MGAT5: variants seen among roughly 807,000 people sequenced by gnomAD.
The protein encoded by MGAT5 is alpha-1,6-mannosylglycoprotein 6-beta-N-acetylglucosaminyltransferase.
Under a neutral mutation model 94.3 loss-of-function variants are expected in MGAT5, and 30 were observed. That is an observed-to-expected ratio of 0.32 (90% confidence interval 0.24 to 0.43). MGAT5 has a LOEUF of 0.43. Among genes scored for constraint, MGAT5 ranks in the 20% least tolerant of loss-of-function variants. The probability of loss-of-function intolerance (pLI) is 1.00; values close to 1 mark genes in which losing one functional copy is unlikely to be tolerated. For synonymous variants in MGAT5, 310 were observed against 322.9 expected (o/e 0.96, Z 0.43); for missense variants, 691 against 905.5 (o/e 0.76, Z 3.04).
chr2:134,305,446 T>C (rs1021630270), intron 2 of MGAT5, among the ~76,000 whole-genome samples: 2 of 152,180 alleles, frequency 1.3e-5, no homozygotes, highest in African/African-American at 4.8e-5. Flanking sequence ...ATTTATACTA[T>C]CTTAAAACAG....
At chr2:134,421,103 A>AT (rs1340825859) in intron 12 of MGAT5, among the ~76,000 whole-genome samples, 2 of 152,198 alleles carry the variant, frequency 1.3e-5, no homozygotes, top group East Asian at 1.9e-4. Flanking sequence ...AGCTCCAAAT[A>AT]TAGACTAATG....
intron 2 of MGAT5, among the ~76,000 whole-genome samples, chr2:134,287,672 G>C (rs1417108350): frequency 6.6e-6 from 1 of 152,174 alleles, no homozygotes; most frequent in African/African-American, 2.4e-5. Context: ...TTCATAGCTA[G>C]AGACCAAGAC....
intron 4 of MGAT5, among the ~76,000 whole-genome samples, chr2:134,325,953 G>C (rs1687614294): frequency 6.6e-6 from 1 of 151,868 alleles, no homozygotes; most frequent in Non-Finnish European, 1.5e-5. Context: ...GATCAGAATA[G>C]TGCCTAATAT....
intron 1 of MGAT5, among the ~76,000 whole-genome samples, chr2:134,261,427 T>A (rs7593036): frequency 1.3e-4 from 20 of 152,152 alleles, no homozygotes; most frequent in African/African-American, 4.3e-4. Context: ...TAAGGCATGG[T>A]GGCTCTCTTC....
intron 12 of MGAT5, among the ~76,000 whole-genome samples, chr2:134,418,279 TAAG>T (rs148684731): frequency 6.6e-6 from 1 of 152,358 alleles, no homozygotes; most frequent in East Asian, 1.9e-4. Flanking sequence ...CTTCATGCTG[TAAG>T]AAGAGAATAG....
chr2:134,363,642 A>G (rs187353391), intron 10 of MGAT5, among the ~76,000 whole-genome samples: 1 of 152,364 alleles, frequency 6.6e-6, no homozygotes, highest in East Asian at 1.9e-4. Context: ...TACATGTCCT[A>G]CAATGAATGG....
intron 1 of MGAT5, among the ~76,000 whole-genome samples, chr2:134,138,782 A>T (rs192357429): frequency 6.6e-6 from 1 of 152,342 alleles, no homozygotes; most frequent in South Asian, 2.1e-4. Context: ...GGTGACTCAC[A>T]TAATAAGCAA....
chr2:134,199,017 A>G (rs906168006), intron 1 of MGAT5, among the ~76,000 whole-genome samples: 2 of 152,232 alleles, frequency 1.3e-5, no homozygotes, highest in African/African-American at 4.8e-5. Context: ...TGGTTAACAG[A>G]AGGTAAAAAT....
intron 7 of MGAT5, among the ~76,000 whole-genome samples, chr2:134,342,235 G>A (rs1167755016): frequency 6.6e-6 from 1 of 152,118 alleles, no homozygotes; most frequent in African/African-American, 2.4e-5. Context: ...AGCTGAGTCT[G>A]TTAACTCTAC....
chr2:134,281,030 T>C (rs1326490880), intron 2 of MGAT5, among the ~76,000 whole-genome samples: 1 of 152,248 alleles, frequency 6.6e-6, no homozygotes, highest in Admixed American at 6.5e-5. Flanking sequence ...ACCTGGTCTT[T>C]GGCATCAGAC....
intron 2 of MGAT5, among the ~76,000 whole-genome samples, chr2:134,304,193 TC>T (rs1193131982): frequency 3.3e-5 from 5 of 151,876 alleles, no homozygotes; most frequent in Admixed American, 1.3e-4. Context: ...AGTGCTGCCT[TC>T]CCCCTGGTTT....
At chr2:134,403,325 C>A (rs1184821039) in intron 11 of MGAT5, among the ~76,000 whole-genome samples, 188 bp downstream of exon 11, 4 of 152,076 alleles carry the variant, frequency 2.6e-5, no homozygotes, top group African/African-American at 9.7e-5. Flanking sequence ...CAGTTTTTTT[C>A]ATTGATTTAT....
intron 1 of MGAT5, among the ~76,000 whole-genome samples, chr2:134,122,976 A>G (rs1685685737): frequency 6.6e-6 from 1 of 152,218 alleles, no homozygotes; most frequent in Non-Finnish European, 1.5e-5. Flanking sequence ...AAGTGTGAAT[A>G]TAGTACTCAT....
At chr2:134,261,402 C>T (rs6726322) in intron 1 of MGAT5, among the ~76,000 whole-genome samples, 1 of 152,098 alleles carries the variant, frequency 6.6e-6, no homozygotes, top group Non-Finnish European at 1.5e-5. Flanking sequence ...AAGCTCCGCA[C>T]CCCCTCAAGT....
intron 9 of MGAT5, among the ~76,000 whole-genome samples, chr2:134,358,437 G>C (rs553344695): frequency 4.6e-5 from 7 of 152,256 alleles, no homozygotes; most frequent in African/African-American, 1.7e-4. Flanking sequence ...TTGTATTTAG[G>C]AAAAGGAAAA....
At chr2:134,409,234 C>T (rs1169117513) in intron 11 of MGAT5, among the ~76,000 whole-genome samples, 2 of 152,178 alleles carry the variant, frequency 1.3e-5, no homozygotes, top group African/African-American at 2.4e-5. Flanking sequence ...TTTCCATGTA[C>T]TATCTCATGT....
intron 2 of MGAT5, among the ~76,000 whole-genome samples, chr2:134,308,945 A>G (rs1395517390): frequency 6.6e-6 from 1 of 152,210 alleles, no homozygotes; most frequent in Non-Finnish European, 1.5e-5. Flanking sequence ...AGTCAGTGTT[A>G]GAATATTTTC....
At chr2:134,133,150 C>T (rs1228557716) in intron 1 of MGAT5, among the ~76,000 whole-genome samples, 1 of 152,228 alleles carries the variant, frequency 6.6e-6, no homozygotes, top group Non-Finnish European at 1.5e-5. Context: ...CTTACACCAC[C>T]TTTCTGGCAG....
At chr2:134,410,377 AC>A in intron 11 of MGAT5, among the ~76,000 whole-genome samples, 1 of 152,366 alleles carries the variant, frequency 6.6e-6, no homozygotes, top group Middle Eastern at 3.4e-3. Context: ...GACTGAAGTG[AC>A]AAAAAACTGT....
Sources: allele counts gnomAD v4.1 joint callset (sites outside exome capture counted in the v4.1 genomes callset), GRCh38; gene constraint gnomAD v4.1.1; transcripts MANE v1.5; gene names NCBI Gene and HGNC (gene_info 2026-07-23, HGNC 2026-07-21).